Variants in SLC26A3 observed in about 807,000 individuals in gnomAD.
The protein encoded by SLC26A3 is chloride anion exchanger.
Under a neutral mutation model 85.6 loss-of-function variants are expected in SLC26A3, and 64 were observed. The observed-to-expected ratio is 0.75, with a 90% confidence interval of 0.61 to 0.92. The LOEUF is 0.92. Ranked by LOEUF, SLC26A3 falls within the 40% of genes least tolerant of loss-of-function variation. SLC26A3 has a pLI of 0.00. For missense variants in SLC26A3, 922 were observed against 927.3 expected (o/e 0.99, Z 0.07); for synonymous variants, 349 against 336.0 (o/e 1.04, Z -0.42).
At chr7:107,800,050 T>C (rs1031939559) in intron 1 of SLC26A3, among the ~76,000 whole-genome samples, 3 of 152,246 alleles carry the variant, frequency 2.0e-5, no homozygotes, top group African/African-American at 7.2e-5. Context: ...GTTTTGGCTC[T>C]GGTCTATCTC....
At chr7:107,772,259 A>T (rs1219868471) in intron 17 of SLC26A3, 151 bp from the exon 18 acceptor site, 2 of 630,780 alleles carry the variant, frequency 3.2e-6, no homozygotes, top group Non-Finnish European at 5.6e-6. Flanking sequence ...AAGATACTAA[A>T]GTTAAAAACA....
chr7:107,772,003 A>G, intron 18 of SLC26A3, 51 bp downstream of exon 18: 1 of 1,211,332 alleles, frequency 8.3e-7, no homozygotes, highest in Non-Finnish European at 1.2e-6. Context: ...GAGAGTTGGC[A>G]GTGAGCCTGA....
At position 107,773,973 on chromosome 7, in the gene SLC26A3, C is replaced by G; in HGVS notation, c.1954G>C (p.Asp652His). 6.2e-7 allele frequency: 1 copy of G among 1,614,060 alleles called. No homozygotes were observed. The highest frequency in any genetic ancestry group is 8.5e-7 in the Non-Finnish European group (1 of 1,179,994). ...PKISLHSLIL[D>H]FSAVSFLDVS... The stretch of plus-strand genomic sequence containing the variant: ...TCAAGAAAGGACACTGCTGAAAAGT[C>G]AAGAATGAGGCTGTGGAGGCTGATT... The change falls in exon 17 of 21, where the codon GAC becomes CAC. Residue 652 changes from aspartate to histidine, a missense_variant. Coordinates refer to ENST00000340010, the MANE Select transcript of SLC26A3 (RefSeq NM_000111.3).
chr7:107,794,287 G>A lies in SLC26A3; in HGVS notation c.131+92C>T, dbSNP rs565289671. The A allele has an allele frequency of 2.1e-6, 3 of 1,414,662 alleles. No homozygotes were observed. The African/African-American group carries it at 4.2e-5, about 20-fold the overall frequency. The allele number at this position is 1,414,662 out of a possible 1,614,324, so 87.6% of individuals were successfully genotyped here. ...GGAAAGGACTGTAGGCTGTGGACTA[G>A]AGCCAGAAAGGAGAGTTGGAAAGTT... On this transcript the variant is annotated intron_variant, in intron 2 of 20. Transcript: ENST00000340010.
At chr7:107,793,541 G>A (rs1462939861) in intron 3 of SLC26A3, among the ~76,000 whole-genome samples, 1 of 152,112 alleles carries the variant, frequency 6.6e-6, no homozygotes, top group African/African-American at 2.4e-5. Context: ...ATGCAGAAGA[G>A]GCAAATCCAC....
chr7:107,779,093 T>C (rs577373279), intron 12 of SLC26A3, among the ~76,000 whole-genome samples: 1 of 152,218 alleles, frequency 6.6e-6, no homozygotes, highest in Non-Finnish European at 1.5e-5. Context: ...AATTTTAGCA[T>C]GCCAAAAGGG....
At position 107,778,182 on chromosome 7, in the gene SLC26A3, T is replaced by A; in HGVS notation, c.1507A>T (p.Thr503Ser). 1.2e-6 allele frequency: 2 copies of A among 1,611,598 alleles called. No homozygotes were observed. Among genetic ancestry groups the A allele is most frequent in the Non-Finnish European group, 1.7e-6 (2 of 1,178,018 alleles). ...AFQLLTIVFR[T>S]QFPKCSTLAN... ...AGCACTTTGAGCACTCACAATTGGG[T>A]CCTGAACACGATGGTTAGCAGTTGA... Residue 503 changes from threonine (T) to serine (S), a missense_variant, in exon 13 of 21, where the codon ACC becomes TCC. Physicochemically the swap from Thr to Ser is moderately conservative, Grantham distance 58. Transcript: ENST00000340010.
In SLC26A3 at chr7:107,791,088, G is replaced by A. The variant is rs147974764; in HGVS notation, c.530C>T (p.Ala177Val). ...AAGCACTGTGACTGATGCCGCCGCC[G>A]CCACCCTCACCCTCTCGTCATCCAG... ...SLLDDERVRV[A>V]AAASVTVLSG... Residue 177 changes from alanine to valine, a missense_variant, in exon 5 of 21, where the codon GCG (alanine) becomes GTG (valine). Transcript: ENST00000340010. 192 of 1,614,098 alleles carry A rather than the reference G, an allele frequency of 1.2e-4. No homozygotes were observed. The African/African-American group carries it at 1.7e-3, about 14-fold the overall frequency.
At chr7:107,798,890 A>G (rs1296377337) in intron 1 of SLC26A3, among the ~76,000 whole-genome samples, 1 of 152,196 alleles carries the variant, frequency 6.6e-6, no homozygotes, top group East Asian at 1.9e-4. Context: ...GACAATGGGA[A>G]ATACAGCAGC....
In SLC26A3 at chr7:107,789,630, A is replaced by G. The variant is rs1428977975; in HGVS notation, c.629T>C (p.Ile210Thr). The G allele has an allele frequency of 1.2e-6, 2 of 1,613,958 alleles. No individual in the cohort carries two copies. Among genetic ancestry groups the G allele is most frequent in the African/African-American group, 2.7e-5 (2 of 74,930 alleles). The part of the protein sequence containing the change: ...FVVIYLSESL[I>T]SGFTTAAAVH... ...AGCAGCAGCAGTAGTGAAGCCACTG[A>G]TGAGGGACTCAGACAGGTATATCAC... Residue 210 changes from isoleucine to threonine, a missense_variant, in exon 6 of 21, where the codon ATC becomes ACC. Coordinates refer to ENST00000340010, the MANE Select transcript of SLC26A3 (RefSeq NM_000111.3).
chr7:107,801,617 ATT>A (rs1479052958), intron 1 of SLC26A3, among the ~76,000 whole-genome samples: 1 of 152,116 alleles, frequency 6.6e-6, no homozygotes, highest in Non-Finnish European at 1.5e-5. Flanking sequence ...TTTCTGAACG[ATT>A]TTGTTTCTTA....
At chr7:107,772,142 A>G (rs1440683621) in intron 17 of SLC26A3, 34 bp from the exon 18 acceptor site, 2 of 1,224,890 alleles carry the variant, frequency 1.6e-6, no homozygotes, top group Admixed American at 3.4e-5. Flanking sequence ...TCCTTAGGGA[A>G]CAGTTTCACT....
intron 15 of SLC26A3, among the ~76,000 whole-genome samples, chr7:107,775,777 C>T (rs1318063352): frequency 1.3e-5 from 2 of 151,734 alleles, no homozygotes; most frequent in East Asian, 1.9e-4. Context: ...CTAGAGTAAT[C>T]GAAAAGGGCA....
chr7:107,784,875 T>A (rs139351743), intron 8 of SLC26A3, among the ~76,000 whole-genome samples: 66 of 152,366 alleles, frequency 4.3e-4, no homozygotes, highest in African/African-American at 1.4e-3. Context: ...TTTCCTTTAC[T>A]GTTTCAATGA....
Position 107,789,684 on chromosome 7 carries a change from G to C in SLC26A3, c.575C>G (p.Ala192Gly), listed in dbSNP as rs748470732. 1.9e-6 allele frequency: 3 copies of C among 1,613,020 alleles called. No individual in the cohort carries two copies. The highest frequency in any genetic ancestry group is 2.5e-6 in the Non-Finnish European group (3 of 1,179,548). Reference sequence around the variant, plus strand: ...AAATCCAATCCGCAGAATCCCAAAAGCCAACTGGAAAGAGAACAAAAGCCT... The same window carrying C: ...AAATCCAATCCGCAGAATCCCAAAACCCAACTGGAAAGAGAACAAAAGCCT... The part of the protein sequence containing the change: ...VTVLSGIIQL[A>G]FGILRIGFVV... The change falls in exon 6 of 21, where the codon GCT becomes GGT. Residue 192 changes from alanine (A) to glycine (G), a missense_variant. Transcript: ENST00000340010.
At chr7:107,793,938 C>T (rs926640148) in intron 2 of SLC26A3, 57 bp from the exon 3 acceptor site, 44 of 1,611,182 alleles carry the variant, frequency 2.7e-5, no homozygotes, top group Non-Finnish European at 3.3e-5. Flanking sequence ...AAGTTTAGTA[C>T]CTGTCGGTGG....
rs767086973 is a variant in SLC26A3, at chr7:107,767,765, C to G, written c.2205+1G>C. 1.2e-6 allele frequency: 2 copies of G among 1,613,590 alleles called. No individual in the cohort carries two copies. Among genetic ancestry groups the G allele is most frequent in the African/African-American group, 2.7e-5 (2 of 74,828 alleles). On this transcript the variant is annotated splice_donor_variant, in intron 19 of 20. Coordinates refer to ENST00000340010, the MANE Select transcript of SLC26A3 (RefSeq NM_000111.3). LOFTEE classifies it high-confidence loss of function. Reference sequence around the variant, plus strand: ...TGTGAAAGTCACCAAAGAGCTGATACCTGACTGGGATTAAACTTTGAAGTA... The same window carrying G: ...TGTGAAAGTCACCAAAGAGCTGATAGCTGACTGGGATTAAACTTTGAAGTA...
At chr7:107,785,891 T>TA (rs574250503) in intron 8 of SLC26A3, among the ~76,000 whole-genome samples, 6 of 151,974 alleles carry the variant, frequency 3.9e-5, no homozygotes, top group South Asian at 4.2e-4. Context: ...AGAAGTCTTT[T>TA]AAAAAAACAA....
intron 1 of SLC26A3, among the ~76,000 whole-genome samples, chr7:107,795,535 A>G (rs73727211): frequency 0.02 from 3,046 of 152,228 alleles, 97 homozygotes; most frequent in African/African-American, 0.069. Flanking sequence ...TATTCTTACA[A>G]ATGATAAAAT....
Sources: gnomAD v4.1 joint callset for allele counts (sites outside exome capture counted in the v4.1 genomes callset) on GRCh38, gnomAD v4.1.1 for gene constraint, MANE v1.5 for transcripts, NCBI Gene and HGNC (gene_info 2026-07-23, HGNC 2026-07-21) for gene names.